The following IL3RA variants were observed in gnomAD, a reference collection of about 807,000 sequenced individuals.
IL3RA encodes interleukin-3 receptor subunit alpha.
IL3RA carries 73 observed loss-of-function variants against 52.3 expected under a neutral mutation model. That is an observed-to-expected ratio of 1.40 (90% confidence interval 1.16 to 1.70). The LOEUF (loss-of-function observed/expected upper bound fraction) is 1.70. IL3RA is among the 40% of genes most tolerant of loss of function. IL3RA has a pLI of 0.00. For missense variants in IL3RA, 664 were observed against 504.4 expected (o/e 1.32, Z -3.03); for synonymous variants, 260 against 194.0 (o/e 1.34, Z -2.83).
At position 1,345,361 on chromosome X, in the gene IL3RA, A is replaced by G; in HGVS notation, c.110A>G (p.Gln37Arg). 6.2e-7 allele frequency: 1 copy of G among 1,611,798 alleles called. No individual in the cohort carries two copies. Among genetic ancestry groups the G allele is most frequent in the South Asian group, 1.1e-5 (1 of 90,830 alleles). The change falls in exon 3 of 12, where the codon CAG (glutamine) becomes CGG (arginine). Residue 37 changes from glutamine to arginine, a missense_variant. Physicochemically the swap from Gln to Arg is conservative, Grantham distance 43 (BLOSUM62 1). Coordinates refer to ENST00000331035, the MANE Select transcript of IL3RA (RefSeq NM_002183.4). ...ITNLRMKAKA[Q>R]QLTWDLNRNV... ...AACCTAAGGATGAAAGCAAAGGCTC[A>G]GCAGTTGACCTGGGACCTTAACAGA...
At chrX:1,379,917 C>T (rs1260032617) in intron 10 of IL3RA, among the ~76,000 whole-genome samples, 11 of 152,310 alleles carry the variant, frequency 7.2e-5, no homozygotes, top group Admixed American at 2.0e-4. Flanking sequence ...TGTGCCACCA[C>T]GCCTGGCTAA....
rs1287850919 is a variant in IL3RA at position 1,365,127 on chromosome X, T to G, written c.760-11T>G. ...CCTGGCCCCTCTTCTTTATTTTCTT[T>G]CAAACCACAGGTCAGAGACAGAACC... On this transcript the variant is annotated splice_polypyrimidine_tract_variant and intron_variant, in intron 8 of 11. Coordinates refer to ENST00000331035, the MANE Select transcript of IL3RA (RefSeq NM_002183.4). The G allele has an allele frequency of 6.3e-7, 1 of 1,599,026 alleles. No homozygotes were observed. The highest frequency in any genetic ancestry group is 8.6e-7 in the Non-Finnish European group (1 of 1,168,638).
chrX:1,337,741 ACAGCCC>A (rs1186480389), intron 1 of IL3RA, among the ~76,000 whole-genome samples: 61 of 142,972 alleles, frequency 4.3e-4, no homozygotes, highest in African/African-American at 8.0e-4. Flanking sequence ...AGAGGTGGAG[ACAGCCC>A]TCATACCCAT....
chrX:1,349,863 A>G (rs2086003535), intron 4 of IL3RA, among the ~76,000 whole-genome samples: 1 of 148,666 alleles, frequency 6.7e-6, no homozygotes, highest in South Asian at 2.1e-4. Flanking sequence ...GGGCTTCACC[A>G]TGTTGGTCTC....
Position 1,382,670 on chromosome X carries a change from A to ATTTTTT in IL3RA, c.*213_*218dup, listed in dbSNP as rs35294981. On this transcript the variant is annotated 3_prime_UTR_variant, in exon 12 of 12. Transcript: ENST00000331035. ...TGTGTGTTTATTTCATGATAAAGTG[A>ATTTTTT]TTTTTTTTTTTTTAACCCACTCACT... 2 of 531,728 alleles carry ATTTTTT rather than the reference A, an allele frequency of 3.8e-6. No individual in the cohort carries two copies. The highest frequency in any genetic ancestry group is 4.0e-5 in the African/African-American group (2 of 50,428). 32.9% of individuals were successfully genotyped at this position (531,728 alleles called of 1,614,324 possible).
In IL3RA at chrX:1,345,561, C is replaced by T. The variant is rs1173360497; in HGVS notation, c.183+127C>T. 9.5e-6 allele frequency: 5 copies of T among 527,320 alleles called. No individual in the cohort carries two copies. The African/African-American group carries it at 1.0e-4, about 11-fold the overall frequency. The allele number at this position is 527,320 out of a possible 1,614,324, so 32.7% of individuals were successfully genotyped here. ...CTGGACTGCGGTGACCCGATCTCCG[C>T]TCTCTGCAACCTCCACCTCCCAGGT... On this transcript the variant is annotated intron_variant, in intron 3 of 11. Coordinates refer to ENST00000331035, the MANE Select transcript of IL3RA (RefSeq NM_002183.4).
At chrX:1,343,039 C>T (rs1351032465) in intron 2 of IL3RA, among the ~76,000 whole-genome samples, 1 of 151,698 alleles carries the variant, frequency 6.6e-6, no homozygotes, top group Non-Finnish European at 1.5e-5. Context: ...CACGCCATTG[C>T]ACTCCAGCCT....
At chrX:1,379,059 T>A (rs1390060344) in intron 10 of IL3RA, among the ~76,000 whole-genome samples, 6 of 152,210 alleles carry the variant, frequency 3.9e-5, no homozygotes, top group Non-Finnish European at 2.9e-5. Flanking sequence ...GCCAGGCTGG[T>A]CTTGAATTCC....
chrX:1,349,887 T>C (rs1435354095), intron 4 of IL3RA, among the ~76,000 whole-genome samples: 2 of 141,840 alleles, frequency 1.4e-5, no homozygotes, highest in Admixed American at 7.0e-5. Context: ...CTCCTGACCT[T>C]GTGATCCACC....
intron 10 of IL3RA, among the ~76,000 whole-genome samples, chrX:1,380,778 G>A (rs1329083979): frequency 1.3e-5 from 2 of 151,524 alleles, no homozygotes; most frequent in African/African-American, 4.9e-5. Flanking sequence ...GTCTGTCTTT[G>A]CAGCTGCACC....
intron 2 of IL3RA, among the ~76,000 whole-genome samples, chrX:1,344,131 G>C (rs66921479): frequency 0.59 from 90,060 of 151,806 alleles, 29,622 homozygotes; most frequent in African/African-American, 0.91. Context: ...AGTCTCCTGT[G>C]TACATAGAAC....
At chrX:1,360,490 C>T (rs2087168951) in intron 8 of IL3RA, among the ~76,000 whole-genome samples, 1 of 151,846 alleles carries the variant, frequency 6.6e-6, no homozygotes, top group Non-Finnish European at 1.5e-5. Flanking sequence ...CTCTGTATCT[C>T]TGTATCTCTC....
chrX:1,359,184 G>C (rs2086973986), intron 8 of IL3RA, among the ~76,000 whole-genome samples: 2 of 151,936 alleles, frequency 1.3e-5, no homozygotes, highest in Non-Finnish European at 2.9e-5. Context: ...TGCTATGGCT[G>C]GCCAGGTGCT....
intron 8 of IL3RA, among the ~76,000 whole-genome samples, chrX:1,363,748 C>G (rs1325720714): frequency 6.6e-6 from 1 of 152,006 alleles, no homozygotes; most frequent in African/African-American, 2.4e-5. Flanking sequence ...CAGACAGGCT[C>G]TCACTCTGTC....
At chrX:1,337,618 G>A (rs1394352705) in intron 1 of IL3RA, among the ~76,000 whole-genome samples, 3 of 151,188 alleles carry the variant, frequency 2.0e-5, no homozygotes, top group Non-Finnish European at 1.5e-5. Flanking sequence ...AAGAGGTGGA[G>A]ACAGCCCTCA....
At chrX:1,353,592 G>A (rs2086308997) in intron 6 of IL3RA, among the ~76,000 whole-genome samples, 1 of 18,736 alleles carries the variant, frequency 5.3e-5, no homozygotes, top group African/African-American at 3.3e-4. Context: ...GTTCCACATG[G>A]GATCCCCCAT....
In IL3RA at chrX:1,345,398, T is replaced by C. The variant is rs139593286; in HGVS notation, c.147T>C (p.Asp49=). Residue 49 remains aspartate, a synonymous_variant, in exon 3 of 12, where the codon GAT becomes GAC. Coordinates refer to ENST00000331035, the MANE Select transcript of IL3RA (RefSeq NM_002183.4). ...GGGACCTTAACAGAAATGTGACCGA[T>C]ATCGAGTGTGTTAAAGACGCCGACT... The part of the protein sequence containing the change: ...LTWDLNRNVT[D]IECVKDADYS... 1.2e-6 allele frequency: 2 copies of C among 1,609,764 alleles called. No individual in the cohort carries two copies. Among genetic ancestry groups the C allele is most frequent in the Non-Finnish European group, 1.7e-6 (2 of 1,177,296 alleles).
chrX:1,350,472 C>G (rs1303964918), intron 4 of IL3RA, among the ~76,000 whole-genome samples: 1 of 150,828 alleles, frequency 6.6e-6, no homozygotes, highest in Non-Finnish European at 1.5e-5. Context: ...GCCTGTAGTC[C>G]CAGCTACTCA....
Position 1,365,231 on chromosome X carries a change from T to G in IL3RA, c.853T>G (p.Trp285Gly), listed in dbSNP as rs374223578. 63 of 1,604,556 alleles carry G rather than the reference T, an allele frequency of 3.9e-5. No homozygotes were observed. Among genetic ancestry groups the G allele is most frequent in the African/African-American group, 5.4e-5 (4 of 74,440 alleles). The change falls in exon 9 of 12, where the codon TGG becomes GGG. Residue 285 changes from tryptophan (W) to glycine (G), a missense_variant. By Grantham distance (184) the Trp-to-Gly change is radical (BLOSUM62 -2). Coordinates refer to ENST00000331035, the MANE Select transcript of IL3RA (RefSeq NM_002183.4). ...RERVYEFLSA[W>G]STPQRFECDQ... ...AAGAGTGTATGAATTCTTGAGCGCC[T>G]GGAGCACCCCCCAGCGCTTCGGTGA...
Sources: gnomAD v4.1 joint callset for allele counts (sites outside exome capture counted in the v4.1 genomes callset) on GRCh38, gnomAD v4.1.1 for gene constraint, MANE v1.5 for transcripts, NCBI Gene and HGNC (gene_info 2026-07-23, HGNC 2026-07-21) for gene names.